AGBL5: variants seen among roughly 807,000 people sequenced by gnomAD.
AGBL5 encodes the protein cytosolic carboxypeptidase-like protein 5.
A neutral mutation model predicts 88.0 loss-of-function variants in AGBL5; 51 were observed. The ratio of observed to expected loss-of-function variants is 0.58; its 90% CI spans 0.46 to 0.73. The LOEUF is 0.73. Ranked by LOEUF, AGBL5 falls within the 30% of genes least tolerant of loss-of-function variation. AGBL5 has a pLI of 0.00. For synonymous variants in AGBL5, 446 were observed against 438.8 expected, an observed-to-expected ratio of 1.02 and a Z score of -0.21; for missense variants, 1,031 against 1,162.2, an observed-to-expected ratio of 0.89 and a Z score of 1.64.
Position 27,069,574 on chromosome 2 carries a change from C to T in AGBL5, c.2357C>T (p.Ala786Val), listed in dbSNP as rs1669174273. 1 of 1,613,864 alleles carries T rather than the reference C, an allele frequency of 6.2e-7. No individual in the cohort carries two copies. The highest frequency in any genetic ancestry group is 1.1e-5 in the South Asian group (1 of 91,076). Residue 786 changes from alanine (A) to valine (V), a missense_variant and splice_region_variant, in exon 14 of 15, where the codon GCT (alanine) becomes GTT (valine). Transcript: ENST00000360131. ...RMPCIKTRLQ[A>V]RPRLGRGSPP... ...TTAGCGCAAACCCTGTCCACACAGG[C>T]TAGGCCCAGGTTGGGCCGGGGCTCA...
chr2:27,055,218 G>T lies in AGBL5; in HGVS notation c.873G>T (p.Met291Ile). Residue 291 changes from methionine to isoleucine, a missense_variant, in exon 6 of 15, where the codon ATG becomes ATT. Physicochemically the swap from Met to Ile is conservative, Grantham distance 10. Coordinates refer to ENST00000360131, the MANE Select transcript of AGBL5 (RefSeq NM_021831.6). Reference sequence around the variant, plus strand: ...TCTTCGTCTTTAAGCTGATTCCCATGTTGAACCCCGATGGTGTGGTCCGGG... The same window carrying T: ...TCTTCGTCTTTAAGCTGATTCCCATTTTGAACCCCGATGGTGTGGTCCGGG... ...RRLFVFKLIP[M>I]LNPDGVVRGH... 6.2e-7 allele frequency: 1 copy of T among 1,614,194 alleles called. No homozygotes were observed. Among genetic ancestry groups the T allele is most frequent in the Admixed American group, 1.7e-5 (1 of 60,020 alleles).
chr2:27,056,593 C>T lies in AGBL5; in HGVS notation c.1366-30C>T, dbSNP rs536085201. 24 of 1,574,414 alleles carry T rather than the reference C, an allele frequency of 1.5e-5. No homozygotes were observed. The South Asian group carries it at 2.4e-4, about 16-fold the overall frequency. On this transcript the variant is annotated intron_variant, in intron 7 of 14. Coordinates refer to ENST00000360131, the MANE Select transcript of AGBL5 (RefSeq NM_021831.6). ...TTGCACCTTGTCCCTTCTGTCTCTCCTTCTGAGTTGACTTTTCTTCCCCAA... is the reference window on the plus strand; with the variant it reads ...TTGCACCTTGTCCCTTCTGTCTCTCTTTCTGAGTTGACTTTTCTTCCCCAA...
At chr2:27,052,236 C>T (rs1445138944) in intron 1 of AGBL5, 3 of 152,510 alleles carry the variant, frequency 2.0e-5, no homozygotes, top group Non-Finnish European at 2.9e-5. Context: ...TGGAAACAGA[C>T]CCATGCCCTG....
chr2:27,056,436 A>G (rs975269910), intron 7 of AGBL5, 187 bp from the exon 8 acceptor site: 17 of 664,206 alleles, frequency 2.6e-5, no homozygotes, highest in Non-Finnish European at 4.1e-5. Context: ...AAGCTTAAAA[A>G]AAAAAGAATT....
chr2:27,058,882 G>C (rs113572617), intron 10 of AGBL5, among the ~76,000 whole-genome samples: 23 of 152,340 alleles, frequency 1.5e-4, no homozygotes, highest in African/African-American at 5.3e-4. Context: ...CAGTGGGGCA[G>C]GCCTCAGCTT....
Position 27,053,431 on chromosome 2 carries a change from G to T in AGBL5, c.245G>T (p.Gly82Val). Reference sequence around the variant, plus strand: ...TGGTTCTACTTCAGCGTCCGGGGAGGAATGCCAGGAAAACTCATCAAGATC... The same window carrying T: ...TGGTTCTACTTCAGCGTCCGGGGAGTAATGCCAGGAAAACTCATCAAGATC... ...RSWFYFSVRGGMPGKLIKINI... is the reference protein window; with the variant it reads ...RSWFYFSVRGVMPGKLIKINI... Residue 82 changes from glycine (G) to valine (V), a missense_variant, in exon 3 of 15, where the codon GGA becomes GTA. Physicochemically the swap from Gly to Val is moderately radical, Grantham distance 109. This residue lies in a region of AGBL5 where 540 missense variants were observed against 678.2 expected (regional missense o/e 0.80). Coordinates refer to ENST00000360131, the MANE Select transcript of AGBL5 (RefSeq NM_021831.6). This position sits in a 1 kb window ranked among gnomAD's most constrained non-coding sequence, Gnocchi z 4.9. 6.2e-7 allele frequency: 1 copy of T among 1,614,106 alleles called. No individual in the cohort carries two copies. The highest frequency in any genetic ancestry group is 8.5e-7 in the Non-Finnish European group (1 of 1,180,042).
At chr2:27,057,152 G>A in intron 8 of AGBL5, 151 bp from the exon 9 acceptor site, 2 of 834,862 alleles carry the variant, frequency 2.4e-6, no homozygotes, top group Non-Finnish European at 3.7e-6. Flanking sequence ...CAGTACCAAG[G>A]TCAGCTGCTA....
chr2:27,068,530 A>G (rs546834267), intron 12 of AGBL5, 102 bp from the exon 13 acceptor site: 2 of 971,638 alleles, frequency 2.1e-6, no homozygotes, highest in African/African-American at 1.6e-5. Context: ...GAATTATCCA[A>G]CCCAAATTGT....
At chr2:27,054,917 G>T (rs1324403710) in intron 5 of AGBL5, 110 bp downstream of exon 5, 21 of 1,494,022 alleles carry the variant, frequency 1.4e-5, no homozygotes, top group Non-Finnish European at 1.7e-5. Flanking sequence ...GCCTCCGCCC[G>T]CAGCGTGCGG....
intron 11 of AGBL5, among the ~76,000 whole-genome samples, chr2:27,064,588 G>A (rs1353454818): frequency 1.4e-5 from 2 of 148,034 alleles, no homozygotes; most frequent in East Asian, 2.1e-4. Context: ...CGTGCCTGGC[G>A]TTTTTGACTC....
intron 5 of AGBL5, 106 bp downstream of exon 5, chr2:27,054,913 G>C: frequency 6.6e-7 from 1 of 1,505,164 alleles, no homozygotes; most frequent in Non-Finnish European, 9.0e-7. Flanking sequence ...CATGGCCTCC[G>C]CCCGCAGCGT....
rs756104466 is a variant in AGBL5 at position 27,067,559 on chromosome 2, G to A, written c.2155G>A (p.Ala719Thr). 5.0e-6 allele frequency: 8 copies of A among 1,614,078 alleles called. No individual in the cohort carries two copies. Among genetic ancestry groups the A allele is most frequent in the East Asian group, 2.2e-5 (1 of 44,864 alleles). ...GAACCATCGTCCTGCAGGCAGCCTC[G>A]CTCCATCCCCAGCTCCTACTAGTTC... Reference protein sequence around the residue: ...PLNHRPAGSLAPSPAPTSSGP... With the variant: ...PLNHRPAGSLTPSPAPTSSGP... Residue 719 changes from alanine to threonine, a missense_variant, in exon 12 of 15, where the codon GCT becomes ACT. Physicochemically the swap from Ala to Thr is moderately conservative, Grantham distance 58 (BLOSUM62 0). This residue lies in a region of AGBL5 where 491 missense variants were observed against 484.0 expected (regional missense o/e 1.01). Transcript: ENST00000360131.
chr2:27,065,985 T>C (rs1668966240), intron 11 of AGBL5, among the ~76,000 whole-genome samples: 1 of 152,156 alleles, frequency 6.6e-6, no homozygotes, highest in Non-Finnish European at 1.5e-5. Flanking sequence ...TCAAGCCCAG[T>C]GCAATGGCTC....
upstream of AGBL5, among the ~76,000 whole-genome samples, chr2:27,051,198 G>A (rs915272363): frequency 2.8e-4 from 43 of 152,306 alleles, no homozygotes; most frequent in Admixed American, 2.0e-3. Context: ...CAAAGGGAAA[G>A]AACTAAGCAG....
chr2:27,050,844 T>G (rs1344241241), upstream of AGBL5, among the ~76,000 whole-genome samples: 1 of 152,170 alleles, frequency 6.6e-6, no homozygotes, highest in Admixed American at 6.5e-5. Context: ...AATCCTTAGG[T>G]CGCTGGTTCG....
chr2:27,052,783 C>G (rs563157673), intron 1 of AGBL5, 130 bp from the exon 2 acceptor site: 1 of 514,052 alleles, frequency 1.9e-6, no homozygotes, highest in Non-Finnish European at 3.3e-6. Context: ...TCTATGTTTT[C>G]TAAGAGGGAG....
intron 4 of AGBL5, 74 bp from the exon 5 acceptor site, chr2:27,054,556 T>A: frequency 6.9e-7 from 1 of 1,447,052 alleles, no homozygotes; most frequent in Non-Finnish European, 9.5e-7. Flanking sequence ...TTACAGATCC[T>A]GGGCTGGTGA....
intron 9 of AGBL5, 56 bp from the exon 10 acceptor site, chr2:27,058,344 G>A: frequency 6.3e-7 from 1 of 1,598,098 alleles, no homozygotes; most frequent in South Asian, 1.1e-5. Context: ...CCCACCCCAA[G>A]GTAGCAGCCT....
chr2:27,069,652 C>T lies in AGBL5; in HGVS notation c.2435C>T (p.Pro812Leu), dbSNP rs371326361. The change falls in exon 14 of 15, where the codon CCC becomes CTC. Residue 812 changes from proline to leucine, a missense_variant. Coordinates refer to ENST00000360131, the MANE Select transcript of AGBL5 (RefSeq NM_021831.6). Reference protein sequence around the residue: ...KGSSGPTSPTPRTRESSELEL... With the variant: ...KGSSGPTSPTLRTRESSELEL... ...TCTTCAGGCCCCACATCCCCTACCC[C>T]CCGGACCAGGGAGAGCAGTGAGCTG... 1.7e-5 allele frequency: 28 copies of T among 1,614,082 alleles called. No individual in the cohort carries two copies. The highest frequency in any genetic ancestry group is 1.6e-4 in the Middle Eastern group (1 of 6,084).
Sources: allele counts gnomAD v4.1 joint callset (sites outside exome capture counted in the v4.1 genomes callset), GRCh38; gene constraint gnomAD v4.1.1; regional missense constraint gnomAD v4.1.1; non-coding constraint Gnocchi (gnomAD v3.1); transcripts MANE v1.5; gene names NCBI Gene and HGNC (gene_info 2026-07-23, HGNC 2026-07-21).